MAP3K20: variants seen among roughly 807,000 people sequenced by gnomAD.
MAP3K20 encodes the protein mitogen-activated protein kinase kinase kinase 20.
A neutral mutation model predicts 85.7 loss-of-function variants in MAP3K20; 40 were observed. The ratio of observed to expected loss-of-function variants is 0.47; its 90% confidence interval spans 0.36 to 0.61. The LOEUF is 0.61. Among genes scored for constraint, MAP3K20 ranks in the 20% least tolerant of loss-of-function variants. The probability of loss-of-function intolerance (pLI) is 0.00; values close to 1 mark genes in which losing one functional copy is unlikely to be tolerated. For synonymous variants in MAP3K20, 325 were observed against 327.7 expected (o/e 0.99, Z 0.09); for missense variants, 817 against 961.7 (o/e 0.85, Z 1.99).
At chr2:173,200,271 G>C (rs963747284) in intron 8 of MAP3K20, among the ~76,000 whole-genome samples, 1 of 152,136 alleles carries the variant, frequency 6.6e-6, no homozygotes, top group Non-Finnish European at 1.5e-5. Flanking sequence ...CCTCACAAAT[G>C]GAGGTATCCA....
chr2:173,113,035 C>T (rs1237784042), intron 2 of MAP3K20, among the ~76,000 whole-genome samples: 3 of 152,142 alleles, frequency 2.0e-5, no homozygotes, highest in Admixed American at 1.3e-4. Context: ...GCTGTGAATC[C>T]GTCTGGTCCT....
intron 16 of MAP3K20, among the ~76,000 whole-genome samples, chr2:173,246,147 TTCA>T (rs1470349283): frequency 2.0e-5 from 3 of 152,146 alleles, no homozygotes; most frequent in African/African-American, 7.2e-5. Flanking sequence ...TATCATCCTC[TTCA>T]TGAGGAAACT....
Position 173,225,971 on chromosome 2 carries a change from T to C in MAP3K20, c.988-3718T>C, listed in dbSNP as rs958838166. 2.1e-5 allele frequency: 21 copies of C among 985,016 alleles called. No homozygotes were observed. The South Asian group carries it at 8.9e-4, about 42-fold the overall frequency. The allele number at this position is 985,016 out of a possible 1,614,324, so 61.0% of individuals were successfully genotyped here. A position where few individuals can be genotyped will look rare whatever the true frequency, so the allele number is the denominator to read the frequency against. On this transcript the variant is annotated intron_variant, in intron 11 of 19. Coordinates refer to ENST00000375213, the MANE Select transcript of MAP3K20 (RefSeq NM_016653.3). ...CAGTTCTATAGGTTAATTTAAAGCC[T>C]CCTTTTTCTACTCATTTTTGAAAGC...
At chr2:173,226,080 T>C (rs1350125759) in intron 11 of MAP3K20, 2 of 985,140 alleles carry the variant, frequency 2.0e-6, no homozygotes, top group Admixed American at 1.2e-4. Flanking sequence ...CTGGAAATGT[T>C]GAGGGTGGGT....
chr2:173,166,358 AC>A (rs1689822220), intron 2 of MAP3K20: 1 of 152,096 alleles, frequency 6.6e-6, no homozygotes, highest in South Asian at 2.1e-4. Flanking sequence ...GGTTGTTTTT[AC>A]CTTTTGTTTA....
intron 17 of MAP3K20, among the ~76,000 whole-genome samples, chr2:173,259,505 G>A (rs1022995886): frequency 2.6e-5 from 4 of 152,180 alleles, no homozygotes; most frequent in African/African-American, 9.7e-5. Context: ...GAAGTCAACA[G>A]GATAGTCACC....
intron 4 of MAP3K20, among the ~76,000 whole-genome samples, chr2:173,183,695 T>C (rs1690398997): frequency 1.3e-5 from 2 of 152,240 alleles, no homozygotes; most frequent in South Asian, 2.1e-4. Context: ...TGAACACCGA[T>C]AGTTATATTT....
At chr2:173,120,697 ACTT>A (rs1247170389) in intron 2 of MAP3K20, among the ~76,000 whole-genome samples, 3 of 121,640 alleles carry the variant, frequency 2.5e-5, no homozygotes, top group African/African-American at 9.1e-5. Context: ...AGTCACTCTC[ACTT>A]CTTTTTTTTT....
rs1371574 is a variant in MAP3K20, at chr2:173,231,794, A to T, written c.1033-398A>T. On this transcript the variant is annotated intron_variant, in intron 12 of 19. Transcript: ENST00000375213. ...TTCATGACCTGGCCTAGAACAAAAG[A>T]TTCCTTCTGTCTGTTGCTCTGTCCA... Among the ~76,000 whole-genome samples the T allele has an allele frequency of 2.8e-3, 419 of 152,334 alleles. 2 individuals are homozygous for T. The highest frequency in any genetic ancestry group is 9.7e-3 in the African/African-American group (404 of 41,570).
At chr2:173,191,730 G>C (rs1690657451) in intron 7 of MAP3K20, among the ~76,000 whole-genome samples, 1 of 152,192 alleles carries the variant, frequency 6.6e-6, no homozygotes, top group African/African-American at 2.4e-5. Flanking sequence ...GAGTAGCAGT[G>C]ACTATCTGAA....
intron 5 of MAP3K20, among the ~76,000 whole-genome samples, chr2:173,190,088 C>T (rs891954437): frequency 1.3e-5 from 2 of 152,168 alleles, no homozygotes; most frequent in East Asian, 1.9e-4. Context: ...AATTGCCATA[C>T]ATTTTTTGTC....
chr2:173,135,976 G>A (rs1200758300), intron 2 of MAP3K20, among the ~76,000 whole-genome samples: 1 of 152,210 alleles, frequency 6.6e-6, no homozygotes, highest in African/African-American at 2.4e-5. Context: ...GAGCATCTAA[G>A]TGGTTGGTAA....
Position 173,084,424 on chromosome 2 carries a change from CA to C in MAP3K20, c.-34-6561del, listed in dbSNP as rs60463346. On this transcript the variant is annotated intron_variant, in intron 1 of 19. Coordinates refer to ENST00000375213, the MANE Select transcript of MAP3K20 (RefSeq NM_016653.3). ...TAGCAATGCTAATGTCCAAAAAGTG[CA>C]AAAAAAAAAAAAGAAAAGTATTGTG... 3.8e-3 allele frequency among the ~76,000 whole-genome samples: 520 copies of C among 136,536 alleles called. 3 individuals carry two copies. Among genetic ancestry groups the C allele is most frequent in the African/African-American group, 0.011 (411 of 37,552 alleles). The allele number at this position is 136,536 out of a possible 152,430, so 89.6% of individuals were successfully genotyped here.
chr2:173,221,023 ACATT>A (rs1051857368), intron 11 of MAP3K20: 2 of 697,586 alleles, frequency 2.9e-6, no homozygotes, highest in African/African-American at 1.8e-5. Context: ...ATAATTCCCT[ACATT>A]CATTTATTTC....
At chr2:173,237,427 T>C (rs1243982114) in intron 14 of MAP3K20, among the ~76,000 whole-genome samples, 3 of 152,104 alleles carry the variant, frequency 2.0e-5, no homozygotes, top group African/African-American at 7.2e-5. Context: ...GAGTAGAGTG[T>C]AAGAAGTAGG....
At chr2:173,090,462 C>T (rs1455105198) in intron 1 of MAP3K20, among the ~76,000 whole-genome samples, 2 of 113,600 alleles carry the variant, frequency 1.8e-5, no homozygotes, top group Non-Finnish European at 3.6e-5. Context: ...CATCCCTAAC[C>T]TGAAAGTTTG....
At chr2:173,250,479 A>G (rs1209395313) in intron 16 of MAP3K20, among the ~76,000 whole-genome samples, 1 of 152,238 alleles carries the variant, frequency 6.6e-6, no homozygotes, top group African/African-American at 2.4e-5. Context: ...AAGGTTTAGC[A>G]CTAAATAAAA....
At chr2:173,197,771 T>A in intron 7 of MAP3K20, 1 of 202,012 alleles carries the variant, frequency 5.0e-6, no homozygotes, top group East Asian at 1.2e-4. Flanking sequence ...GTCAGGCCCA[T>A]TGGTTTCATA....
chr2:173,092,717 G>A (rs1007975141), intron 2 of MAP3K20, among the ~76,000 whole-genome samples: 2 of 152,130 alleles, frequency 1.3e-5, no homozygotes, highest in Non-Finnish European at 2.9e-5. Flanking sequence ...TGTTCGATGT[G>A]AAAAAGATTT....
Sources: gnomAD v4.1 joint callset for allele counts (sites outside exome capture counted in the v4.1 genomes callset) on GRCh38, gnomAD v4.1.1 for gene constraint, MANE v1.5 for transcripts, NCBI Gene and HGNC (gene_info 2026-07-23, HGNC 2026-07-21) for gene names.